ESRRB: variants seen among roughly 807,000 people sequenced by gnomAD.
ESRRB encodes estrogen related receptor beta.
ESRRB carries 16 observed loss-of-function variants against 46.0 expected under a neutral mutation model. The observed-to-expected ratio is 0.35, with a 90% confidence interval of 0.24 to 0.53. The LOEUF is 0.53. Ranked by LOEUF, ESRRB falls within the 20% of genes least tolerant of loss-of-function variation. The pLI is 0.93. For synonymous variants in ESRRB, 246 were observed against 259.6 expected (o/e 0.95, Z 0.50); for missense variants, 488 against 607.4 (o/e 0.80, Z 2.07).
intron 1 of ESRRB, among the ~76,000 whole-genome samples, chr14:76,391,134 C>G (rs1192740915): frequency 6.6e-6 from 1 of 152,104 alleles, no homozygotes; most frequent in Admixed American, 6.6e-5. Context: ...ACATTGGCTG[C>G]ATTGTGGTTT....
intron 5 of ESRRB, among the ~76,000 whole-genome samples, chr14:76,486,681 G>A (rs1378630715): frequency 6.6e-6 from 1 of 152,144 alleles, no homozygotes; most frequent in Non-Finnish European, 1.5e-5. Context: ...CAATTTTCCT[G>A]GGGCAGCAGA....
At chr14:76,468,006 A>G (rs1889194351) in intron 3 of ESRRB, among the ~76,000 whole-genome samples, 1 of 152,114 alleles carries the variant, frequency 6.6e-6, no homozygotes, top group African/African-American at 2.4e-5. Flanking sequence ...TCCATGCAAT[A>G]TGCTCTCACT....
intron 1 of ESRRB, among the ~76,000 whole-genome samples, chr14:76,402,920 T>G (rs1358991872): frequency 6.6e-6 from 1 of 152,052 alleles, no homozygotes; most frequent in Non-Finnish European, 1.5e-5. Context: ...TGGAGTCCAG[T>G]GATGTGGCCA....
chr14:76,314,917 A>C (rs1193436223), intron 1 of ESRRB, among the ~76,000 whole-genome samples: 1 of 152,040 alleles, frequency 6.6e-6, no homozygotes, highest in East Asian at 1.9e-4. Flanking sequence ...TCCCTGATAC[A>C]AGGGGATTCT....
intron 6 of ESRRB, among the ~76,000 whole-genome samples, chr14:76,496,064 A>G (rs1170805711): frequency 6.6e-6 from 1 of 152,150 alleles, no homozygotes; most frequent in African/African-American, 2.4e-5. Context: ...CAGTTTCCTC[A>G]TCTGTGAAAT....
intron 1 of ESRRB, among the ~76,000 whole-genome samples, chr14:76,315,756 G>A (rs1883792644): frequency 6.6e-6 from 1 of 152,136 alleles, no homozygotes; most frequent in African/African-American, 2.4e-5. Context: ...GTGTCAGCAA[G>A]ACATGCAGCT....
chr14:76,321,779 C>T (rs1054715043), intron 1 of ESRRB, among the ~76,000 whole-genome samples: 2 of 151,786 alleles, frequency 1.3e-5, no homozygotes, highest in South Asian at 2.1e-4. Flanking sequence ...TCTTCCCATT[C>T]GGGAGGCTGA....
intron 1 of ESRRB, among the ~76,000 whole-genome samples, chr14:76,346,819 ACTG>A (rs990510575): frequency 6.6e-6 from 1 of 152,136 alleles, no homozygotes; most frequent in Non-Finnish European, 1.5e-5. Context: ...CTGTAATTGG[ACTG>A]CTGTTCTTTC....
chr14:76,439,485 C>G lies in ESRRB; in HGVS notation c.195C>G (p.Gly65=), dbSNP rs760196461. ...SPSGSSDASG[G]FGLALGTHAN... is the part of the protein sequence containing the mutation. ...GTGGCTCGTCCGACGCCAGCGGCGG[C>G]TTTGGCCTGGCCCTGGGCACCCACG... Residue 65 remains glycine, a synonymous_variant, in exon 2 of 7, where the codon GGC becomes GGG. Coordinates refer to ENST00000644823, the MANE Select transcript of ESRRB (RefSeq NM_001379180.1). 1 of 1,612,388 alleles carries G rather than the reference C, an allele frequency of 6.2e-7. No homozygotes were observed. The highest frequency in any genetic ancestry group is 1.1e-5 in the South Asian group (1 of 91,046).
chr14:76,433,629 G>A (rs73318355), intron 1 of ESRRB, among the ~76,000 whole-genome samples: 5 of 151,970 alleles, frequency 3.3e-5, no homozygotes, highest in South Asian at 2.1e-4. Flanking sequence ...CCCCTGCTCC[G>A]CCCAGTCCTC....
chr14:76,339,895 C>T (rs942185560), intron 1 of ESRRB, among the ~76,000 whole-genome samples: 10 of 152,184 alleles, frequency 6.6e-5, no homozygotes, highest in African/African-American at 1.4e-4. Context: ...CTCTCTCCCT[C>T]GTCACCCATA....
chr14:76,351,552 A>G (rs147200145), intron 1 of ESRRB, among the ~76,000 whole-genome samples: 15 of 152,302 alleles, frequency 9.8e-5, no homozygotes, highest in African/African-American at 3.1e-4. Flanking sequence ...GACATCTGCA[A>G]TGACCATATT....
At chr14:76,395,138 A>G (rs2139827157) in intron 1 of ESRRB, among the ~76,000 whole-genome samples, 1 of 152,286 alleles carries the variant, frequency 6.6e-6, no homozygotes, top group South Asian at 2.1e-4. Context: ...AGGAGGAGAT[A>G]GAGAGGTAAG....
intron 1 of ESRRB, among the ~76,000 whole-genome samples, chr14:76,399,109 A>C (rs1048992574): frequency 2.6e-5 from 4 of 152,136 alleles, no homozygotes; most frequent in African/African-American, 9.7e-5. Flanking sequence ...GATGGGTCCA[A>C]ACAGCAGATG....
chr14:76,459,126 T>A (rs1888745584), intron 2 of ESRRB, among the ~76,000 whole-genome samples: 1 of 152,172 alleles, frequency 6.6e-6, no homozygotes, highest in Non-Finnish European at 1.5e-5. Context: ...ATTACAGGCG[T>A]GAGCCACCAC....
At chr14:76,354,582 T>C (rs1884355875) in intron 1 of ESRRB, among the ~76,000 whole-genome samples, 1 of 151,718 alleles carries the variant, frequency 6.6e-6, no homozygotes, top group Non-Finnish European at 1.5e-5. Context: ...TCCCTTGTTC[T>C]GTGCTCAGTG....
rs534202308 is a variant in ESRRB, at chr14:76,352,990, CCGCGCGCAGGGT to C, written c.2+42078_2+42089del. 3.6e-3 allele frequency among the ~76,000 whole-genome samples: 544 copies of C among 152,340 alleles called. 1 individual carries two copies. The highest frequency in any genetic ancestry group is 5.5e-3 in the Non-Finnish European group (376 of 68,034). On this transcript the variant is annotated intron_variant, in intron 1 of 6. Coordinates refer to the ESRRB transcript ENST00000512784. ...CCCCGAATCGCCGCGCTCCTGCGGG[CCGCGCGCAGGGT>C]CGCCGGGTAGGCACAGGCACGTCCC...
In ESRRB at chr14:76,376,299, G is replaced by A. The variant is rs1162123010; in HGVS notation, c.-103G>A. On this transcript the variant is annotated 5_prime_UTR_variant, in exon 1 of 7. It adds an upstream start codon to the 5' untranslated region. Transcript: ENST00000644823. This position sits in a 1 kb window ranked among gnomAD's most constrained non-coding sequence, Gnocchi z 4.1. The stretch of plus-strand genomic sequence containing the variant: ...CCCACTCTGCGTTCTCGCGCTCACT[G>A]TGCCCTGCCCGGGCTCGCACCTTGC... The A allele has an allele frequency of 7.6e-6, 7 of 924,108 alleles. No homozygotes were observed. Among genetic ancestry groups the A allele is most frequent in the Non-Finnish European group, 9.9e-6 (7 of 707,340 alleles). 57.2% of individuals were successfully genotyped at this position (924,108 alleles called of 1,614,324 possible).
chr14:76,500,925 C>T lies in ESRRB; in HGVS notation c.*2467C>T. 1.6e-6 allele frequency: 1 copy of T among 627,774 alleles called. No individual in the cohort carries two copies. Among genetic ancestry groups the T allele is most frequent in the South Asian group, 1.9e-5 (1 of 54,034 alleles). The allele number at this position is 627,774 out of a possible 1,614,324, so 38.9% of individuals were successfully genotyped here. On this transcript the variant is annotated 3_prime_UTR_variant, in exon 7 of 7. Transcript: ENST00000644823. ...AAATGTGTCAGTAACAATGGAACTC[C>T]ATCCAATGGGAAAGTTCCTGGTACT...
Sources: allele counts gnomAD v4.1 joint callset (sites outside exome capture counted in the v4.1 genomes callset), GRCh38; gene constraint gnomAD v4.1.1; non-coding constraint Gnocchi (gnomAD v3.1); transcripts MANE v1.5; gene names NCBI Gene and HGNC (gene_info 2026-07-23, HGNC 2026-07-21).